Variants in LRBA observed in about 807,000 individuals in gnomAD.
The protein encoded by LRBA is lipopolysaccharide-responsive and beige-like anchor protein.
Under a neutral mutation model 330.0 loss-of-function variants are expected in LRBA, and 176 were observed. The observed-to-expected ratio is 0.53, with a 90% CI of 0.47 to 0.60. The LOEUF (loss-of-function observed/expected upper bound fraction) is 0.60. Among genes scored for constraint, LRBA ranks in the 20% least tolerant of loss-of-function variants. The pLI, the probability that LRBA is intolerant of heterozygous loss-of-function variation, is 0.00. For synonymous variants in LRBA, 1,230 were observed against 1,193.0 expected (o/e 1.03, Z -0.64); for missense variants, 3,259 against 3,444.8 (o/e 0.95, Z 1.35).
At chr4:150,373,124 C>CAT (rs1397539521) in intron 47 of LRBA, among the ~76,000 whole-genome samples, 1 of 96,316 alleles carries the variant, frequency 1.0e-5, no homozygotes, top group African/African-American at 4.2e-5. Flanking sequence ...ACTACAATCT[C>CAT]GTGTGTGTGT....
intron 36 of LRBA, among the ~76,000 whole-genome samples, chr4:150,727,820 A>G (rs1356493714): frequency 6.6e-6 from 1 of 152,180 alleles, no homozygotes; most frequent in Non-Finnish European, 1.5e-5. Context: ...GAAAAGTAAC[A>G]GTAAACTGAA....
intron 13 of LRBA, among the ~76,000 whole-genome samples, chr4:150,903,366 C>A (rs1490264217): frequency 6.6e-6 from 1 of 151,832 alleles, no homozygotes; most frequent in Non-Finnish European, 1.5e-5. Flanking sequence ...GGAATTCTGG[C>A]AGAATAGTTA....
Position 150,844,752 on chromosome 4 carries a change from A to G in LRBA, c.4367T>C (p.Leu1456Ser), listed in dbSNP as rs1340137833. Residue 1456 changes from leucine (L) to serine (S), a missense_variant, in exon 27 of 57, where the codon TTG becomes TCG. Coordinates refer to ENST00000651943, the MANE Select transcript of LRBA (RefSeq NM_001364905.1). ...CAGTTGTGAATGCTGTTGACACTCC[A>G]AGCAATTCCTTACTGCGACTGCACA... Reference protein sequence around the residue: ...LVCAVAVRNCLECQQHSQLKT... With the variant: ...LVCAVAVRNCSECQQHSQLKT... The G allele has an allele frequency of 6.2e-7, 1 of 1,613,282 alleles. No individual in the cohort carries two copies. Among genetic ancestry groups the G allele is most frequent in the Admixed American group, 1.7e-5 (1 of 60,020 alleles).
intron 46 of LRBA, among the ~76,000 whole-genome samples, chr4:150,421,454 A>G (rs1748782731): frequency 6.6e-6 from 1 of 151,534 alleles, no homozygotes; most frequent in Non-Finnish European, 1.5e-5. Context: ...TAAAACTCAT[A>G]AGAACACCTC....
chr4:150,584,283 C>A, intron 40 of LRBA: 1 of 586,870 alleles, frequency 1.7e-6, no homozygotes, highest in Non-Finnish European at 2.7e-6. Flanking sequence ...GCAACCCAAC[C>A]AAAACAAATC....
intron 37 of LRBA, among the ~76,000 whole-genome samples, chr4:150,657,056 T>C (rs1388590291): frequency 6.6e-6 from 1 of 152,184 alleles, no homozygotes; most frequent in Non-Finnish European, 1.5e-5. Context: ...TCTACTCACA[T>C]TTGGCTTGTC....
intron 34 of LRBA, among the ~76,000 whole-genome samples, chr4:150,768,984 C>A (rs1010746507): frequency 4.1e-5 from 5 of 121,530 alleles, no homozygotes; most frequent in Admixed American, 2.3e-4. Context: ...GTCACCCAGG[C>A]TGGAGAGCAG....
At chr4:150,719,427 GTAGGCTGATATTGC>G (rs1174744239) in intron 36 of LRBA, among the ~76,000 whole-genome samples, 1 of 152,028 alleles carries the variant, frequency 6.6e-6, no homozygotes, top group East Asian at 1.9e-4. Flanking sequence ...GGTTAGGATG[GTAGGCTGATATTGC>G]AATTACATAT....
Position 150,849,588 on chromosome 4 carries a change from A to G in LRBA, c.4005-13T>C. ...CTTTGTTGAATGGCTGTCCAAAGATAAATGATATTTACTGATAAAGCTAAA... is the reference window on the plus strand; with the variant it reads ...CTTTGTTGAATGGCTGTCCAAAGATGAATGATATTTACTGATAAAGCTAAA... On this transcript the variant is annotated splice_polypyrimidine_tract_variant and intron_variant, in intron 24 of 56. Transcript: ENST00000651943. 1 of 1,605,486 alleles carries G rather than the reference A, an allele frequency of 6.2e-7. No individual in the cohort carries two copies. The highest frequency in any genetic ancestry group is 8.5e-7 in the Non-Finnish European group (1 of 1,172,958).
In LRBA at chr4:150,890,003, C is replaced by T. The variant is rs545915875; in HGVS notation, c.2165+3049G>A. Reference sequence around the variant, plus strand: ...TAGAAAAAATAAAAATGAATATGATCGAGAGCAATAATGGAAGGGCAGCCA... The same window carrying T: ...TAGAAAAAATAAAAATGAATATGATTGAGAGCAATAATGGAAGGGCAGCCA... On this transcript the variant is annotated intron_variant, in intron 17 of 56. Transcript: ENST00000651943. Among the ~76,000 whole-genome samples the T allele has an allele frequency of 4.6e-5, 7 of 152,028 alleles. No individual in the cohort carries two copies. In the East Asian group the frequency reaches 1.2e-3, roughly 25 times the overall value.
intron 40 of LRBA, among the ~76,000 whole-genome samples, chr4:150,569,397 G>C (rs1486904688): frequency 6.6e-6 from 1 of 152,086 alleles, no homozygotes; most frequent in South Asian, 2.1e-4. Context: ...ACTTTCTATT[G>C]CTTTACATTG....
At chr4:150,729,052 G>A (rs1730088019) in intron 36 of LRBA, among the ~76,000 whole-genome samples, 1 of 152,144 alleles carries the variant, frequency 6.6e-6, no homozygotes, top group African/African-American at 2.4e-5. Context: ...AGACATGATG[G>A]CTCATGTCTA....
chr4:150,999,256 CAA>C, intron 2 of LRBA, among the ~76,000 whole-genome samples: 1 of 149,254 alleles, frequency 6.7e-6, no homozygotes, highest in Non-Finnish European at 1.5e-5. Context: ...TAGAAACAAA[CAA>C]AAAAAAAGTA....
chr4:150,401,272 C>T (rs1318009212), intron 47 of LRBA, among the ~76,000 whole-genome samples: 3 of 152,192 alleles, frequency 2.0e-5, no homozygotes, highest in Non-Finnish European at 2.9e-5. Flanking sequence ...AGACAATAAA[C>T]GTATGTTGTT....
Position 150,583,728 on chromosome 4 carries a change from G to A in LRBA, c.6330+4320C>T, listed in dbSNP as rs1258769363. Reference sequence around the variant, plus strand: ...CAGAGAGCGACGCCTGGGTGCTACAGTTCGGGGAGGCGGAGAACCGCCTGC... The same window carrying A: ...CAGAGAGCGACGCCTGGGTGCTACAATTCGGGGAGGCGGAGAACCGCCTGC... On this transcript the variant is annotated intron_variant, in intron 40 of 56. Coordinates refer to ENST00000651943, the MANE Select transcript of LRBA (RefSeq NM_001364905.1). This position sits in a 1 kb window ranked among gnomAD's most constrained non-coding sequence, Gnocchi z 9.8. 7 of 1,613,620 alleles carry A rather than the reference G, an allele frequency of 4.3e-6. No individual in the cohort carries two copies. The highest frequency in any genetic ancestry group is 2.2e-5 in the East Asian group (1 of 44,852).
At chr4:150,395,801 T>G (rs558027249) in intron 47 of LRBA, among the ~76,000 whole-genome samples, 76 of 152,330 alleles carry the variant, frequency 5.0e-4, no homozygotes, top group African/African-American at 1.8e-3. Context: ...TCATTTCATA[T>G]GGCACTTGTC....
intron 20 of LRBA, 27 bp from the exon 21 acceptor site, chr4:150,868,332 A>C: frequency 1.3e-6 from 2 of 1,531,594 alleles, no homozygotes; most frequent in Non-Finnish European, 8.8e-7. Flanking sequence ...AAATAAGTAA[A>C]AACCAAACTC....
chr4:150,288,143 C>A (rs1482384732), intron 53 of LRBA, among the ~76,000 whole-genome samples: 3 of 152,080 alleles, frequency 2.0e-5, no homozygotes, highest in African/African-American at 7.2e-5. Flanking sequence ...AGGCGCCCGC[C>A]ACTGCGCCCA....
At chr4:150,731,431 C>T (rs1416829137) in intron 36 of LRBA, among the ~76,000 whole-genome samples, 1 of 152,138 alleles carries the variant, frequency 6.6e-6, no homozygotes, top group Non-Finnish European at 1.5e-5. Flanking sequence ...AAATGTGGTA[C>T]TTACACACAA....
Sources: allele counts gnomAD v4.1 joint callset (sites outside exome capture counted in the v4.1 genomes callset), GRCh38; gene constraint gnomAD v4.1.1; non-coding constraint Gnocchi (gnomAD v3.1); transcripts MANE v1.5; gene names NCBI Gene and HGNC (gene_info 2026-07-23, HGNC 2026-07-21).